Variants in XPNPEP3 observed in about 807,000 individuals in gnomAD.
XPNPEP3 encodes the protein xaa-Pro aminopeptidase 3.
XPNPEP3 carries 41 observed loss-of-function variants against 60.0 expected under a neutral mutation model. The observed-to-expected ratio is 0.68, with a 90% CI of 0.53 to 0.89. The LOEUF is 0.89. Among genes scored for constraint, XPNPEP3 ranks in the 40% least tolerant of loss-of-function variants. The probability of loss-of-function intolerance (pLI) is 0.00; values close to 1 mark genes in which losing one functional copy is unlikely to be tolerated. For missense variants in XPNPEP3, 598 were observed against 638.9 expected, an observed-to-expected ratio of 0.94 and a Z score of 0.69; for synonymous variants, 212 against 223.2, an observed-to-expected ratio of 0.95 and a Z score of 0.45.
At chr22:40,862,108 T>C (rs1438909848) in intron 1 of XPNPEP3, 10 of 1,500,006 alleles carry the variant, frequency 6.7e-6, no homozygotes, top group African/African-American at 1.4e-5. Context: ...GGTACACTTT[T>C]ATGTTAAAGA....
intron 5 of XPNPEP3, 61 bp downstream of exon 5, chr22:40,907,710 C>T: frequency 5.9e-6 from 9 of 1,515,454 alleles, no homozygotes; most frequent in African/African-American, 1.4e-5. Context: ...ATTTGATTTG[C>T]AGAAATGGCA....
rs765009303 is a variant in XPNPEP3, at chr22:40,932,735, C to T, written c.*6300C>T. The T allele has an allele frequency of 6.6e-6, 1 of 152,078 alleles. No individual in the cohort carries two copies. Among genetic ancestry groups the T allele is most frequent in the Non-Finnish European group, 1.5e-5 (1 of 68,020 alleles). 9.4% of individuals were successfully genotyped at this position (152,078 alleles called of 1,614,324 possible). On this transcript the variant is annotated 3_prime_UTR_variant, in exon 10 of 10. Transcript: ENST00000357137. ...TTACTTTTTAAGGCATTACTAATAA[C>T]TGAAAATAGTTACGTCATTGCCCAT...
Position 40,881,775 on chromosome 22 carries a change from G to GT in XPNPEP3, c.188dup (p.Thr64AsnfsTer68). On this transcript the variant is annotated frameshift_variant, in exon 3 of 10. Transcript: ENST00000357137. LOFTEE classifies it high-confidence loss of function. ...CTTTTATTTGTCATTTCTAGGGGAG[G>GT]TAACTCCAGGACTATCTCAGGTGGA... 6.2e-7 allele frequency: 1 copy of GT among 1,614,038 alleles called. No individual in the cohort carries two copies. Among genetic ancestry groups the GT allele is most frequent in the South Asian group, 1.1e-5 (1 of 91,078 alleles).
intron 1 of XPNPEP3, among the ~76,000 whole-genome samples, chr22:40,866,299 T>G (rs534600908): frequency 4.0e-4 from 61 of 151,868 alleles, no homozygotes; most frequent in Non-Finnish European, 5.2e-4. Context: ...GCAAACTAAT[T>G]AGCAATTATG....
At chr22:40,903,071 T>G (rs914873409) in intron 4 of XPNPEP3, among the ~76,000 whole-genome samples, 11 of 152,226 alleles carry the variant, frequency 7.2e-5, no homozygotes, top group African/African-American at 2.7e-4. Flanking sequence ...TACAAAGCAT[T>G]GATCTGTTAC....
rs1337148801 is a variant in XPNPEP3 at position 40,886,454 on chromosome 22, G to A, written c.731G>A (p.Arg244Gln). ...RGVQQLIQRL[R>Q]LIKSPAEIER... is the part of the protein sequence containing the mutation. ...GTTCAGCAGCTGATACAGCGCCTCCGGCTGATCAAGTCTCCTGCAGAAATT... is the reference window on the plus strand; with the variant it reads ...GTTCAGCAGCTGATACAGCGCCTCCAGCTGATCAAGTCTCCTGCAGAAATT... Residue 244 changes from arginine (R) to glutamine (Q), a missense_variant, in exon 4 of 10, where the codon CGG becomes CAG. Physicochemically the swap from Arg to Gln is conservative, Grantham distance 43. Coordinates refer to ENST00000357137, the MANE Select transcript of XPNPEP3 (RefSeq NM_022098.4). The A allele has an allele frequency of 5.6e-6, 9 of 1,613,996 alleles. No homozygotes were observed. The highest frequency in any genetic ancestry group is 1.3e-5 in the African/African-American group (1 of 74,892).
chr22:40,870,960 C>T (rs920412899), intron 2 of XPNPEP3, among the ~76,000 whole-genome samples: 5 of 151,634 alleles, frequency 3.3e-5, no homozygotes, highest in East Asian at 1.9e-4. Context: ...ATCTGGGAGG[C>T]GGAGGTTGCA....
At chr22:40,862,671 A>C in intron 1 of XPNPEP3, 1 of 985,442 alleles carries the variant, frequency 1.0e-6, no homozygotes, top group South Asian at 4.7e-5. Flanking sequence ...AACTTTCTGC[A>C]TGCCAGTGGT....
intron 3 of XPNPEP3, among the ~76,000 whole-genome samples, chr22:40,883,869 G>C (rs763977088): frequency 2.6e-5 from 4 of 152,082 alleles, no homozygotes; most frequent in Non-Finnish European, 5.9e-5. Flanking sequence ...AAATAAGATA[G>C]ATGCTCAAGT....
intron 1 of XPNPEP3, among the ~76,000 whole-genome samples, chr22:40,866,506 T>C (rs1348333995): frequency 6.6e-6 from 1 of 152,160 alleles, no homozygotes; most frequent in African/African-American, 2.4e-5. Context: ...ACTATATTTT[T>C]TAATGCAAAT....
chr22:40,897,743 G>A (rs893416949), intron 4 of XPNPEP3, among the ~76,000 whole-genome samples: 1 of 152,068 alleles, frequency 6.6e-6, no homozygotes, highest in African/African-American at 2.4e-5. Flanking sequence ...CTTGCCAATC[G>A]ATACTTGTTA....
chr22:40,885,973 C>A (rs1372071357), intron 3 of XPNPEP3, among the ~76,000 whole-genome samples: 6 of 152,032 alleles, frequency 3.9e-5, no homozygotes, highest in Non-Finnish European at 7.3e-5. Flanking sequence ...CAGAGCAAGA[C>A]TCCATCTCAA....
Position 40,919,115 on chromosome 22 carries a change from T to A in XPNPEP3, c.1056-3218T>A, listed in dbSNP as rs566379832. 2.7e-4 allele frequency among the ~76,000 whole-genome samples: 41 copies of A among 152,314 alleles called. 1 individual carries two copies. The South Asian group carries it at 8.1e-3, about 30-fold the overall frequency. ...TTTTGTTTTACAATTAAAAATTTTT[T>A]AAATTTTTAAATGACAATTTTAAAG... On this transcript the variant is annotated intron_variant, in intron 7 of 9. Transcript: ENST00000357137.
intron 4 of XPNPEP3, among the ~76,000 whole-genome samples, chr22:40,894,910 C>T (rs942480986): frequency 1.3e-5 from 2 of 152,118 alleles, no homozygotes; most frequent in Non-Finnish European, 2.9e-5. Context: ...ATTGCAAGTC[C>T]ATTAGTGACA....
intron 8 of XPNPEP3, among the ~76,000 whole-genome samples, 190 bp from the exon 9 acceptor site, chr22:40,924,172 C>T (rs561028743): frequency 2.6e-5 from 4 of 152,198 alleles, no homozygotes; most frequent in African/African-American, 9.6e-5. Flanking sequence ...ATGAGAATGC[C>T]ATTGGCAGAA....
Position 40,929,156 on chromosome 22 carries a change from AT to A in XPNPEP3, c.*2724del, listed in dbSNP as rs2058245814. 6.8e-6 allele frequency: 1 copy of A among 147,760 alleles called. No individual in the cohort carries two copies. The highest frequency in any genetic ancestry group is 1.5e-5 in the Non-Finnish European group (1 of 66,772). 9.2% of individuals were successfully genotyped at this position (147,760 alleles called of 1,614,324 possible). ...TTCATTTGTAATCCAGGAATAAGGA[AT>A]TTCCTTTTCTTCTTGTATCATTTTC... is the stretch of plus-strand genomic sequence containing the variant. On this transcript the variant is annotated 3_prime_UTR_variant, in exon 10 of 10. Transcript: ENST00000357137.
chr22:40,916,486 AACTT>A (rs778220940), intron 7 of XPNPEP3, among the ~76,000 whole-genome samples: 3 of 152,206 alleles, frequency 2.0e-5, no homozygotes, highest in African/African-American at 2.4e-5. Context: ...TAGTTTTTCA[AACTT>A]TCCAAATTGT....
At chr22:40,888,115 C>A (rs1260028361) in intron 4 of XPNPEP3, among the ~76,000 whole-genome samples, 1 of 152,186 alleles carries the variant, frequency 6.6e-6, no homozygotes, top group Non-Finnish European at 1.5e-5. Context: ...CTCCAGCCCC[C>A]AGTAACCTCT....
chr22:40,860,447 A>G (rs2057935897), intron 1 of XPNPEP3: 1 of 360,326 alleles, frequency 2.8e-6, no homozygotes, highest in African/African-American at 2.1e-5. Context: ...GTTATAATGC[A>G]TCAAATGCTG....
Sources: allele counts gnomAD v4.1 joint callset (sites outside exome capture counted in the v4.1 genomes callset), GRCh38; gene constraint gnomAD v4.1.1; transcripts MANE v1.5; gene names NCBI Gene and HGNC (gene_info 2026-07-23, HGNC 2026-07-21).